The following PPP3CA variants were observed in gnomAD, a reference collection of about 807,000 sequenced individuals.
PPP3CA encodes the protein CAM-PRP catalytic subunit.
A neutral mutation model predicts 66.5 loss-of-function variants in PPP3CA; 14 were observed. That is an observed-to-expected ratio of 0.21 (90% confidence interval 0.14 to 0.33). PPP3CA has a LOEUF of 0.33. Ranked by LOEUF, PPP3CA falls within the 10% of genes least tolerant of loss-of-function variation. PPP3CA has a pLI of 1.00. For synonymous variants in PPP3CA, 232 were observed against 226.2 expected (o/e 1.03, Z -0.23); for missense variants, 317 against 639.5 (o/e 0.50, Z 5.44).
rs559683253 is a variant in PPP3CA at position 101,299,455 on chromosome 4, A to G, written c.58+47284T>C. 3.3e-5 allele frequency among the ~76,000 whole-genome samples: 5 copies of G among 150,666 alleles called. No homozygotes were observed. In the South Asian group the frequency reaches 1.1e-3, roughly 32 times the overall value. ...CAGGCTGGTCTTGAACAATCCTCCCACCTCTGCCTGCCAAGTAACTGGGAT... is the reference window on the plus strand; with the variant it reads ...CAGGCTGGTCTTGAACAATCCTCCCGCCTCTGCCTGCCAAGTAACTGGGAT... On this transcript the variant is annotated intron_variant, in intron 1 of 13. Transcript: ENST00000394854.
At chr4:101,147,139 G>A (rs1347141514) in intron 2 of PPP3CA, among the ~76,000 whole-genome samples, 1 of 152,140 alleles carries the variant, frequency 6.6e-6, no homozygotes, top group Non-Finnish European at 1.5e-5. Flanking sequence ...GATTTGTCCC[G>A]AAGTCTAGGC....
chr4:101,281,008 G>A (rs1482505308), intron 1 of PPP3CA, among the ~76,000 whole-genome samples: 1 of 152,114 alleles, frequency 6.6e-6, no homozygotes, highest in Non-Finnish European at 1.5e-5. Context: ...TGATGCAGGA[G>A]GAGAACCAAG....
At position 101,070,619 on chromosome 4, in the gene PPP3CA, GA is replaced by G. The variant is rs34725531; in HGVS notation, c.956-7263del. ...ATCCAATTGCTGAGAATGGGCCAGG[GA>G]AAAAAATAATACATATGATTAATAT... On this transcript the variant is annotated intron_variant, in intron 8 of 13. Transcript: ENST00000394854. Among the ~76,000 whole-genome samples, 22 of 152,116 alleles carry G rather than the reference GA, an allele frequency of 1.4e-4. 1 individual carries two copies. In the South Asian group the frequency reaches 4.0e-3, roughly 27 times the overall value.
chr4:101,140,373 G>A (rs1429227884), intron 2 of PPP3CA, among the ~76,000 whole-genome samples: 1 of 152,136 alleles, frequency 6.6e-6, no homozygotes. Context: ...TCAAGACACA[G>A]ATCTCAGCAG....
chr4:101,131,839 C>A (rs1722451678), intron 2 of PPP3CA, among the ~76,000 whole-genome samples: 1 of 152,132 alleles, frequency 6.6e-6, no homozygotes, highest in Admixed American at 6.5e-5. Flanking sequence ...CTAAAACTGA[C>A]CACATAATTT....
intron 1 of PPP3CA, among the ~76,000 whole-genome samples, chr4:101,277,537 G>A (rs558345744): frequency 1.3e-5 from 2 of 152,272 alleles, no homozygotes; most frequent in Admixed American, 1.3e-4. Flanking sequence ...GTATGCAAAA[G>A]TTTCTAATGG....
At chr4:101,303,761 G>A (rs1222173276) in intron 1 of PPP3CA, among the ~76,000 whole-genome samples, 1 of 152,128 alleles carries the variant, frequency 6.6e-6, no homozygotes, top group African/African-American at 2.4e-5. Context: ...TTGTTATCGT[G>A]AGTACATAAA....
At chr4:101,288,376 C>T (rs1217144952) in intron 1 of PPP3CA, among the ~76,000 whole-genome samples, 3 of 152,070 alleles carry the variant, frequency 2.0e-5, no homozygotes, top group African/African-American at 7.2e-5. Flanking sequence ...TGGTTACCTA[C>T]CCCCCAAAAA....
At chr4:101,083,113 G>A in intron 7 of PPP3CA, 73 bp downstream of exon 7, 2 of 1,181,186 alleles carry the variant, frequency 1.7e-6, no homozygotes, top group South Asian at 5.0e-5. Flanking sequence ...GGAACCTGCA[G>A]AGCCTAAGCA....
At chr4:101,105,929 T>C (rs372181898) in intron 3 of PPP3CA, among the ~76,000 whole-genome samples, 5 of 152,324 alleles carry the variant, frequency 3.3e-5, no homozygotes, top group Middle Eastern at 3.4e-3. Flanking sequence ...GCCTATTTCA[T>C]TCATCCTGAA....
intron 7 of PPP3CA, among the ~76,000 whole-genome samples, chr4:101,082,116 G>A (rs1729467315): frequency 6.6e-6 from 1 of 152,190 alleles, no homozygotes; most frequent in Non-Finnish European, 1.5e-5. Context: ...CAGCCGACTG[G>A]AACACAGCCA....
At chr4:101,169,838 A>G (rs1437362012) in intron 2 of PPP3CA, among the ~76,000 whole-genome samples, 2 of 152,118 alleles carry the variant, frequency 1.3e-5, no homozygotes, top group Non-Finnish European at 2.9e-5. Flanking sequence ...TAATTTACAA[A>G]CCATGCTTTT....
intron 2 of PPP3CA, among the ~76,000 whole-genome samples, chr4:101,179,923 C>T (rs1169629032): frequency 6.6e-6 from 1 of 152,074 alleles, no homozygotes; most frequent in Non-Finnish European, 1.5e-5. Context: ...TACAAACATA[C>T]TCAAAACCTA....
chr4:101,204,902 T>G (rs1304308297), intron 1 of PPP3CA, among the ~76,000 whole-genome samples: 1 of 151,028 alleles, frequency 6.6e-6, no homozygotes. Flanking sequence ...TCTACAATGT[T>G]TTTTAAATTT....
intron 1 of PPP3CA, among the ~76,000 whole-genome samples, chr4:101,211,150 A>C (rs558149458): frequency 2.4e-4 from 37 of 152,290 alleles, no homozygotes; most frequent in African/African-American, 7.5e-4. Flanking sequence ...AAGATCGCAC[A>C]GCAAATAAGC....
At chr4:101,262,505 TAAA>T (rs1302228343) in intron 1 of PPP3CA, among the ~76,000 whole-genome samples, 2 of 152,078 alleles carry the variant, frequency 1.3e-5, no homozygotes, top group Admixed American at 6.6e-5. Flanking sequence ...AAACTAGTAA[TAAA>T]AATAAAATGG....
intron 2 of PPP3CA, among the ~76,000 whole-genome samples, chr4:101,132,280 CA>C (rs540937247): frequency 6.6e-6 from 1 of 151,844 alleles, no homozygotes; most frequent in Admixed American, 6.6e-5. Context: ...CATAGAGACA[CA>C]AAAAAACCTT....
At chr4:101,034,622 T>C (rs1272231966) in intron 11 of PPP3CA, among the ~76,000 whole-genome samples, 1 of 152,052 alleles carries the variant, frequency 6.6e-6, no homozygotes, top group East Asian at 1.9e-4. Context: ...TCAAAAATAT[T>C]TGCCAAAAAT....
chr4:101,182,235 T>C (rs1469205632), intron 2 of PPP3CA, among the ~76,000 whole-genome samples: 1 of 152,170 alleles, frequency 6.6e-6, no homozygotes, highest in Admixed American at 6.5e-5. Context: ...GATGTTAAGA[T>C]TGCTTTCAAG....
Sources: gnomAD v4.1 joint callset for allele counts (sites outside exome capture counted in the v4.1 genomes callset) on GRCh38, gnomAD v4.1.1 for gene constraint, MANE v1.5 for transcripts, NCBI Gene and HGNC (gene_info 2026-07-23, HGNC 2026-07-21) for gene names.